The following RIMS2 variants were observed in gnomAD, a reference collection of about 807,000 sequenced individuals.
The protein encoded by RIMS2 is regulating synaptic membrane exocytosis 2, also known as regulating synaptic membrane exocytosis protein 2.
RIMS2 carries 59 observed loss-of-function variants against 174.4 expected under a neutral mutation model. That is an observed-to-expected ratio of 0.34 (90% CI 0.27 to 0.42). The LOEUF (loss-of-function observed/expected upper bound fraction) is 0.42. RIMS2 is among the 10% of genes least tolerant of loss of function. The pLI, the probability that RIMS2 is intolerant of heterozygous loss-of-function variation, is 1.00. For synonymous variants in RIMS2, 606 were observed against 572.5 expected, an observed-to-expected ratio of 1.06 and a Z score of -0.84; for missense variants, 1,620 against 1,666.3, an observed-to-expected ratio of 0.97 and a Z score of 0.48.
intron 19 of RIMS2, among the ~76,000 whole-genome samples, chr8:104,228,781 T>C (rs965484701): frequency 2.0e-5 from 3 of 152,222 alleles, no homozygotes; most frequent in Admixed American, 6.5e-5. Flanking sequence ...TTATAGGGGA[T>C]ATTATTTTTT....
At chr8:103,822,517 A>T (rs189746883) in intron 3 of RIMS2, among the ~76,000 whole-genome samples, 1 of 151,932 alleles carries the variant, frequency 6.6e-6, no homozygotes, top group East Asian at 1.9e-4. Context: ...ATGAGTAATA[A>T]TTATTAAAAT....
Position 104,212,920 on chromosome 8 carries a change from G to A in RIMS2, c.3335-31996G>A, listed in dbSNP as rs114634696. ...TGGTGGGGGTGTGTTATAGCTCTCC[G>A]TCATACATGCTGTCCCCTCTACCTG... On this transcript the variant is annotated intron_variant, in intron 19 of 23. Coordinates refer to ENST00000504942, the Ensembl canonical transcript of RIMS2. Among the ~76,000 whole-genome samples, 1,515 of 152,224 alleles carry A rather than the reference G, an allele frequency of 1.0e-2. 21 individuals are homozygous for A. Among genetic ancestry groups the A allele is most frequent in the African/African-American group, 0.033 (1,358 of 41,540 alleles).
intron 1 of RIMS2, among the ~76,000 whole-genome samples, chr8:103,583,569 C>T (rs181698242): frequency 0.012 from 1,836 of 152,194 alleles, 37 homozygotes; most frequent in African/African-American, 0.039. Flanking sequence ...ATTCAGAATT[C>T]TATCAGATAA....
chr8:103,825,352 C>T (rs1016125756), intron 3 of RIMS2, among the ~76,000 whole-genome samples: 1 of 151,844 alleles, frequency 6.6e-6, no homozygotes, highest in Non-Finnish European at 1.5e-5. Flanking sequence ...GGCGTGATCT[C>T]GGCTCATTAC....
intron 22 of RIMS2, 151 bp downstream of exon 28, chr8:104,249,739 T>G (rs1392526869): frequency 3.5e-6 from 2 of 579,278 alleles, no homozygotes; most frequent in Non-Finnish European, 6.2e-6. Context: ...GTCATTTGTG[T>G]GTTTATCCTG....
intron 19 of RIMS2, among the ~76,000 whole-genome samples, chr8:104,025,807 A>T (rs2096244756): frequency 6.6e-6 from 1 of 151,986 alleles, no homozygotes; most frequent in South Asian, 2.1e-4. Flanking sequence ...ATATTATCAT[A>T]CTGTGCTTTT....
At chr8:103,838,674 G>A (rs1295667124) in intron 3 of RIMS2, among the ~76,000 whole-genome samples, 2 of 152,154 alleles carry the variant, frequency 1.3e-5, no homozygotes, top group Non-Finnish European at 2.9e-5. Context: ...AGAAGGTGTA[G>A]GATAGGACAC....
chr8:103,638,243 A>G (rs1191829600), intron 1 of RIMS2, among the ~76,000 whole-genome samples: 1 of 152,110 alleles, frequency 6.6e-6, no homozygotes, highest in African/African-American at 2.4e-5. Context: ...ATTTTTAGAC[A>G]TCAAAACCAC....
chr8:103,800,846 T>G (rs2098602662), intron 3 of RIMS2, among the ~76,000 whole-genome samples: 1 of 152,316 alleles, frequency 6.6e-6, no homozygotes, highest in African/African-American at 2.4e-5. Context: ...TAAGATAAGT[T>G]AGGAAATGAT....
chr8:103,779,736 C>A (rs1263330282), intron 3 of RIMS2, among the ~76,000 whole-genome samples: 1 of 120,082 alleles, frequency 8.3e-6, no homozygotes, highest in African/African-American at 3.4e-5. Context: ...GGGAGCACCA[C>A]ACACTAGGGC....
At chr8:103,705,558 C>T (rs577295975) in intron 2 of RIMS2, among the ~76,000 whole-genome samples, 3 of 152,148 alleles carry the variant, frequency 2.0e-5, no homozygotes, top group East Asian at 3.9e-4. Flanking sequence ...TTGATATTCA[C>T]CAATGTTATC....
intron 19 of RIMS2, among the ~76,000 whole-genome samples, chr8:104,203,105 G>T (rs146878195): frequency 2.0e-5 from 3 of 151,838 alleles, no homozygotes; most frequent in Non-Finnish European, 2.9e-5. Flanking sequence ...TCCCAGCCCC[G>T]CAAATATAAA....
At chr8:103,504,392 G>T (rs1822236855) in intron 1 of RIMS2, among the ~76,000 whole-genome samples, 1 of 152,066 alleles carries the variant, frequency 6.6e-6, no homozygotes, top group Admixed American at 6.5e-5. Context: ...GTGGGACAAT[G>T]AGGAATCATT....
intron 1 of RIMS2, among the ~76,000 whole-genome samples, chr8:103,639,627 T>C (rs2096179090): frequency 6.6e-6 from 1 of 151,994 alleles, no homozygotes; most frequent in Admixed American, 6.6e-5. Flanking sequence ...CAGTAGTTTA[T>C]TTCTTTTTAT....
chr8:103,667,592 A>G (rs1275864941), intron 1 of RIMS2, among the ~76,000 whole-genome samples: 2 of 152,206 alleles, frequency 1.3e-5, no homozygotes, highest in African/African-American at 4.8e-5. Flanking sequence ...GTTGTCCATA[A>G]ATAAGGTTGG....
intron 13 of RIMS2, among the ~76,000 whole-genome samples, chr8:103,939,502 C>T (rs894064004): frequency 3.3e-5 from 5 of 152,224 alleles, no homozygotes; most frequent in Middle Eastern, 3.2e-3. Context: ...GGCCTCCAGG[C>T]CTGTGATGGG....
Position 103,816,135 on chromosome 8 carries a change from A to G in RIMS2, c.698+49598A>G, listed in dbSNP as rs1428572595. ...ATTCTTTATAATATTCAGGATATCC[A>G]TAACAAATTACAGAGTCCATTCAAA... On this transcript the variant is annotated intron_variant, in intron 3 of 23. Transcript: ENST00000504942. 2.0e-5 allele frequency among the ~76,000 whole-genome samples: 3 copies of G among 152,232 alleles called. No homozygotes were observed. In the East Asian group the frequency reaches 5.8e-4, roughly 29 times the overall value.
chr8:103,969,673 G>A (rs193216491), intron 15 of RIMS2, among the ~76,000 whole-genome samples: 1 of 152,222 alleles, frequency 6.6e-6, no homozygotes, highest in Admixed American at 6.5e-5. Context: ...TATAAATCCA[G>A]CATTCCTGCT....
intron 1 of RIMS2, among the ~76,000 whole-genome samples, chr8:103,626,828 A>AGG (rs201018670): frequency 6.6e-6 from 1 of 151,786 alleles, no homozygotes; most frequent in African/African-American, 2.4e-5. Context: ...TTAAAAGGGG[A>AGG]GGGGGGGTGT....
Sources: allele counts gnomAD v4.1 joint callset (sites outside exome capture counted in the v4.1 genomes callset), GRCh38; gene constraint gnomAD v4.1.1; transcripts MANE v1.5; gene names NCBI Gene and HGNC (gene_info 2026-07-23, HGNC 2026-07-21).